The following TRPV3 variants were observed in gnomAD, a reference collection of about 807,000 sequenced individuals.
TRPV3 encodes VRL-3.
A neutral mutation model predicts 87.1 loss-of-function variants in TRPV3; 88 were observed. The ratio of observed to expected loss-of-function variants is 1.01; its 90% CI spans 0.85 to 1.21. TRPV3 has a LOEUF of 1.21. TRPV3 is among the 50% of genes most tolerant of loss of function. The pLI, the probability that TRPV3 is intolerant of heterozygous loss-of-function variation, is 0.00. For missense variants in TRPV3, 1,054 were observed against 1,030.1 expected (o/e 1.02, Z -0.32); for synonymous variants, 438 against 423.3 (o/e 1.03, Z -0.43).
chr17:3,523,893 T>TACACACAC (rs1247800485), intron 13 of TRPV3, among the ~76,000 whole-genome samples: 5,491 of 147,928 alleles, frequency 0.037, 312 homozygotes, highest in African/African-American at 0.13. Flanking sequence ...ATATTCCACC[T>TACACACAC]ACACACACAC....
At position 3,513,868 on chromosome 17, in the gene TRPV3, G is replaced by C. The variant is rs751585500; in HGVS notation, c.*49C>G. On this transcript the variant is annotated 3_prime_UTR_variant, in exon 18 of 18. Transcript: ENST00000576742. ...CTCTCTGCACAGAGTCGGTGACTCC[G>C]CCTGCAGCGCCAGACAGCGCACGCG... 2.7e-6 allele frequency: 4 copies of C among 1,507,522 alleles called. No homozygotes were observed. The highest frequency in any genetic ancestry group is 2.8e-6 in the Non-Finnish European group (3 of 1,087,028). The allele number at this position is 1,507,522 out of a possible 1,614,324, so 93.4% of individuals were successfully genotyped here. A position where few individuals can be genotyped will look rare whatever the true frequency, so the allele number is the denominator to read the frequency against.
chr17:3,556,186 G>GAAAA lies in TRPV3; in HGVS notation c.-2-1338_-2-1335dup, dbSNP rs386364863. Among the ~76,000 whole-genome samples, 3 of 139,732 alleles carry GAAAA rather than the reference G, an allele frequency of 2.1e-5. No homozygotes were observed. The highest frequency in any genetic ancestry group is 1.5e-5 in the Non-Finnish European group (1 of 65,052). 91.7% of individuals were successfully genotyped at this position (139,732 alleles called of 152,430 possible). On this transcript the variant is annotated intron_variant, in intron 1 of 17. Coordinates refer to ENST00000576742, the MANE Select transcript of TRPV3 (RefSeq NM_145068.4). The surrounding 1 kb of genome is among the most constrained non-coding windows in gnomAD (Gnocchi z 4.2). The stretch of plus-strand genomic sequence containing the variant: ...AGCGAGACTCCGTCTCAAAAAAAAT[G>GAAAA]AAAAAAAAAAAAAATAAAGTTTTTA...
At chr17:3,541,650 T>C (rs1597486098) in intron 6 of TRPV3, among the ~76,000 whole-genome samples, 1 of 152,314 alleles carries the variant, frequency 6.6e-6, no homozygotes, top group East Asian at 1.9e-4. Flanking sequence ...CAGTTAATGA[T>C]GATGATGATG....
Position 3,528,791 on chromosome 17 carries a change from T to A in TRPV3, c.1401+46A>T. ...TGCACGTGGGGCAGCTCCAAGCCCC[T>A]CCAGCTCTGACGGCCCCATTTTCCC... is the stretch of plus-strand genomic sequence containing the variant. On this transcript the variant is annotated intron_variant, in intron 10 of 17. Coordinates refer to ENST00000576742, the MANE Select transcript of TRPV3 (RefSeq NM_145068.4). This position sits in a 1 kb window ranked among gnomAD's most constrained non-coding sequence, Gnocchi z 4.2. 6.2e-7 allele frequency: 1 copy of A among 1,610,320 alleles called. No homozygotes were observed. The highest frequency in any genetic ancestry group is 1.7e-4 in the Middle Eastern group (1 of 5,992).
rs140562337 is a variant in TRPV3, at chr17:3,519,850, C to CTGGATGCA, written c.1811-1001_1811-1000insTGCATCCA. 3.7e-5 allele frequency among the ~76,000 whole-genome samples: 4 copies of CTGGATGCA among 107,668 alleles called. No individual in the cohort carries two copies. In the East Asian group the frequency reaches 1.3e-3, roughly 34 times the overall value. 70.6% of individuals were successfully genotyped at this position (107,668 alleles called of 152,430 possible). A position where few individuals can be genotyped will look rare whatever the true frequency, so the allele number is the denominator to read the frequency against. On this transcript the variant is annotated intron_variant, in intron 14 of 17. Coordinates refer to ENST00000576742, the MANE Select transcript of TRPV3 (RefSeq NM_145068.4). The stretch of plus-strand genomic sequence containing the variant: ...ATTAAATGGATGAATGGATGGATGA[C>CTGGATGCA]TGGATGGATGGATGGATGGATGGAT...
At chr17:3,544,461 T>C (rs2074502869) in intron 4 of TRPV3, 118 bp downstream of exon 4, 1 of 635,116 alleles carries the variant, frequency 1.6e-6, no homozygotes, top group Non-Finnish European at 2.7e-6. Context: ...TGACTCCACT[T>C]GTCCCAATCC....
intron 2 of TRPV3, chr17:3,546,654 C>T (rs1376921321): frequency 4.4e-6 from 2 of 455,796 alleles, no homozygotes; most frequent in South Asian, 1.5e-5. Context: ...CCCAAGGTCA[C>T]GCAGCAGATA....
At chr17:3,527,713 G>C (rs2150787811) in intron 11 of TRPV3, 3 of 407,560 alleles carry the variant, frequency 7.4e-6, no homozygotes, top group South Asian at 4.8e-5. Context: ...ATGAATGAGT[G>C]GCTGGGTCCA....
intron 16 of TRPV3, among the ~76,000 whole-genome samples, chr17:3,515,435 T>A (rs533003325): frequency 6.6e-6 from 1 of 151,574 alleles, no homozygotes; most frequent in Admixed American, 6.6e-5. Context: ...CCGAGGGGGG[T>A]GGATCACTTG....
At chr17:3,554,885 C>CG in intron 1 of TRPV3, 33 bp from the exon 2 acceptor site, 5 of 1,503,284 alleles carry the variant, frequency 3.3e-6, no homozygotes, top group African/African-American at 1.4e-5. Context: ...ATGCTCAGGC[C>CG]GGGGGGACAG....
chr17:3,527,552 G>A (rs2074310557), intron 11 of TRPV3: 1 of 206,736 alleles, frequency 4.8e-6, no homozygotes, highest in Non-Finnish European at 9.9e-6. Context: ...ATATATAGAA[G>A]GTGCTCAGAT....
chr17:3,522,404 C>A (rs1299158976), intron 13 of TRPV3, among the ~76,000 whole-genome samples: 1 of 152,164 alleles, frequency 6.6e-6, no homozygotes, highest in African/African-American at 2.4e-5. Context: ...ATACAATATT[C>A]TGAGAGAGAC....
chr17:3,554,666 G>A, intron 2 of TRPV3, 66 bp downstream of exon 2: 1 of 1,182,604 alleles, frequency 8.5e-7, no homozygotes, highest in Non-Finnish European at 1.2e-6. Context: ...TCCCTGGGGG[G>A]GTGCCAGGCC....
chr17:3,547,495 C>A (rs2074537492), intron 2 of TRPV3, among the ~76,000 whole-genome samples: 1 of 152,158 alleles, frequency 6.6e-6, no homozygotes, highest in Admixed American at 6.5e-5. Flanking sequence ...GTGGCACGCA[C>A]CTGTAATCCC....
intron 2 of TRPV3, among the ~76,000 whole-genome samples, chr17:3,548,779 A>G (rs1314418377): frequency 1.3e-5 from 2 of 152,184 alleles, no homozygotes; most frequent in Admixed American, 1.3e-4. Flanking sequence ...GGGAACCTAA[A>G]GCCTGGGTTC....
rs369153784 is a variant in TRPV3 at position 3,530,026 on chromosome 17, C to G, written c.1242+1G>C. The G allele has an allele frequency of 3.7e-6, 6 of 1,610,938 alleles. No individual in the cohort carries two copies. The highest frequency in any genetic ancestry group is 5.1e-6 in the Non-Finnish European group (6 of 1,178,180). On this transcript the variant is annotated splice_donor_variant, in intron 9 of 17. Transcript: ENST00000576742. LOFTEE classifies it high-confidence loss of function. This position sits in a 1 kb window ranked among gnomAD's most constrained non-coding sequence, Gnocchi z 4.0. ...CTTCCCCGCCTGTGCAGGAGACCCA[C>G]GTCGATGTTGGTGTTGTAGACAGTG...
rs748504343 is a variant in TRPV3 at position 3,528,845 on chromosome 17, C to G, written c.1393G>C (p.Glu465Gln). Residue 465 changes from glutamate (E) to glutamine (Q), a missense_variant, in exon 10 of 18, where the codon GAG (glutamate) becomes CAG (glutamine). Glu to Gln is a conservative substitution (Grantham distance 29). Coordinates refer to ENST00000576742, the MANE Select transcript of TRPV3 (RefSeq NM_145068.4). The surrounding 1 kb of genome is among the most constrained non-coding windows in gnomAD (Gnocchi z 4.2). The part of the protein sequence containing the change: ...LTLVSYYRPR[E>Q]EEAIPHPLAL... The stretch of plus-strand genomic sequence containing the variant: ...CCAAGGGGCCCACGTACCTCCTCCT[C>G]CCGGGGGCGGTAGTACGAGACGAGG... 1 of 1,614,178 alleles carries G rather than the reference C, an allele frequency of 6.2e-7. No homozygotes were observed. Among genetic ancestry groups the G allele is most frequent in the Non-Finnish European group, 8.5e-7 (1 of 1,180,002 alleles).
intron 12 of TRPV3, among the ~76,000 whole-genome samples, chr17:3,525,113 A>G (rs867121119): frequency 6.6e-6 from 1 of 151,916 alleles, no homozygotes; most frequent in Admixed American, 6.6e-5. Context: ...TCCGCCTCCC[A>G]GGCTCAAGTG....
In TRPV3 at chr17:3,512,372, AAAGTCTCTATCT is replaced by A. The variant is rs2074124761; in HGVS notation, c.*1533_*1544del. The A allele has an allele frequency of 6.6e-6, 1 of 152,204 alleles. No individual in the cohort carries two copies. The allele number at this position is 152,204 out of a possible 1,614,324, so 9.4% of individuals were successfully genotyped here. A position where few individuals can be genotyped will look rare whatever the true frequency, so the allele number is the denominator to read the frequency against. ...CCCCAATCGGCCCCATCAGGGGCAC[AAAGTCTCTATCT>A]GTCCAGCTAGTCTGGCACACAGAGT... On this transcript the variant is annotated 3_prime_UTR_variant, in exon 18 of 18. Coordinates refer to ENST00000576742, the MANE Select transcript of TRPV3 (RefSeq NM_145068.4).
Sources: allele counts gnomAD v4.1 joint callset (sites outside exome capture counted in the v4.1 genomes callset), GRCh38; gene constraint gnomAD v4.1.1; non-coding constraint Gnocchi (gnomAD v3.1); transcripts MANE v1.5; gene names NCBI Gene and HGNC (gene_info 2026-07-23, HGNC 2026-07-21).